The following GADL1 variants were observed in gnomAD, a reference collection of about 807,000 sequenced individuals.
GADL1 encodes acidic amino acid decarboxylase GADL1.
GADL1 carries 71 observed loss-of-function variants against 69.5 expected under a neutral mutation model. The ratio of observed to expected loss-of-function variants is 1.02; its 90% CI spans 0.84 to 1.25. The LOEUF (loss-of-function observed/expected upper bound fraction) is 1.25, where lower values mean the gene tolerates loss of function less well. Among genes scored for constraint, GADL1 ranks in the 50% most tolerant of loss-of-function variants. The probability of loss-of-function intolerance (pLI) is 0.00; values close to 1 mark genes in which losing one functional copy is unlikely to be tolerated. For synonymous variants in GADL1, 254 were observed against 214.4 expected, an observed-to-expected ratio of 1.18 and a Z score of -1.62; for missense variants, 737 against 631.8, an observed-to-expected ratio of 1.17 and a Z score of -1.79.
At chr3:30,803,818 T>G (rs1697204036) in intron 11 of GADL1, among the ~76,000 whole-genome samples, 1 of 152,228 alleles carries the variant, frequency 6.6e-6, no homozygotes, top group African/African-American at 2.4e-5. Context: ...AGACATCAAC[T>G]AAGAGAAGAT....
intron 9 of GADL1, 110 bp downstream of exon 9, chr3:30,838,883 CACAA>C (rs1453976955): frequency 3.0e-5 from 18 of 609,008 alleles, no homozygotes; most frequent in Middle Eastern, 3.6e-4. Context: ...CAATTTGAGA[CACAA>C]ACAAAAGCGT....
intron 1 of GADL1, among the ~76,000 whole-genome samples, chr3:30,876,136 T>C (rs1194076725): frequency 1.3e-5 from 2 of 152,056 alleles, no homozygotes; most frequent in Admixed American, 6.6e-5. Context: ...AATATGTTAC[T>C]GTATTTAATC....
At chr3:30,738,255 G>A (rs1386345660) in intron 14 of GADL1, among the ~76,000 whole-genome samples, 1 of 152,068 alleles carries the variant, frequency 6.6e-6, no homozygotes, top group Non-Finnish European at 1.5e-5. Flanking sequence ...ACTCCCTTGG[G>A]GCATTTGGAA....
chr3:30,803,848 A>C (rs1419245158), intron 11 of GADL1, among the ~76,000 whole-genome samples: 1 of 152,230 alleles, frequency 6.6e-6, no homozygotes, highest in Non-Finnish European at 1.5e-5. Context: ...TCCAGAGAAA[A>C]CATTTTAGAA....
chr3:30,886,501 A>G (rs555749313), intron 1 of GADL1, among the ~76,000 whole-genome samples: 1 of 152,244 alleles, frequency 6.6e-6, no homozygotes, highest in Admixed American at 6.5e-5. Context: ...TGGTGAGAAG[A>G]GGACAGGGCA....
rs112030445 is a variant in GADL1, at chr3:30,890,717, G to A, written c.37+3861C>T. On this transcript the variant is annotated intron_variant, in intron 1 of 14. Transcript: ENST00000282538. ...TAGTGGATATTCTTCATCAATAGGTGAATATGAGATTGTGCTTGGTAGCAT... is the reference window on the plus strand; with the variant it reads ...TAGTGGATATTCTTCATCAATAGGTAAATATGAGATTGTGCTTGGTAGCAT... Among the ~76,000 whole-genome samples, 1,192 of 152,276 alleles carry A rather than the reference G, an allele frequency of 7.8e-3. 10 individuals carry two copies. Among genetic ancestry groups the A allele is most frequent in the African/African-American group, 0.027 (1,106 of 41,546 alleles).
intron 1 of GADL1, among the ~76,000 whole-genome samples, chr3:30,868,924 C>T (rs540630725): frequency 4.0e-5 from 6 of 151,876 alleles, no homozygotes; most frequent in South Asian, 2.1e-4. Context: ...AGTGCAAAGA[C>T]GCTGGGGACC....
At chr3:30,875,871 T>C (rs1698570442) in intron 1 of GADL1, among the ~76,000 whole-genome samples, 1 of 151,842 alleles carries the variant, frequency 6.6e-6, no homozygotes, top group Non-Finnish European at 1.5e-5. Flanking sequence ...ATCCTAGAGA[T>C]ATCATTCACA....
chr3:30,728,522 T>A (rs1262582748), intron 14 of GADL1, 107 bp from the exon 15 acceptor site: 1 of 798,522 alleles, frequency 1.3e-6, no homozygotes, highest in Non-Finnish European at 2.0e-6. Context: ...CTGGTTTGGA[T>A]CCCATTCTCA....
At chr3:30,814,142 T>A (rs961213671) in intron 11 of GADL1, among the ~76,000 whole-genome samples, 1 of 152,220 alleles carries the variant, frequency 6.6e-6, no homozygotes. Context: ...AGAAGGTGTC[T>A]TCATTATACA....
intron 11 of GADL1, 74 bp downstream of exon 11, chr3:30,833,778 GC>G: frequency 9.9e-7 from 1 of 1,009,376 alleles, no homozygotes; most frequent in African/African-American, 1.6e-5. Flanking sequence ...CAAGAGATGA[GC>G]AAAAATGAAG....
intron 11 of GADL1, among the ~76,000 whole-genome samples, chr3:30,817,108 G>C (rs1697490322): frequency 6.6e-6 from 1 of 152,086 alleles, no homozygotes; most frequent in Non-Finnish European, 1.5e-5. Flanking sequence ...ACAATGATGA[G>C]AGACAATATG....
intron 11 of GADL1, among the ~76,000 whole-genome samples, chr3:30,830,267 C>G (rs955505003): frequency 6.6e-6 from 1 of 151,910 alleles, no homozygotes; most frequent in Non-Finnish European, 1.5e-5. Context: ...CCCCTGCCAG[C>G]TTATGACCAT....
rs112033509 is a variant in GADL1 at position 30,823,424 on chromosome 3, G to T, written c.1050+10429C>A. Among the ~76,000 whole-genome samples the T allele has an allele frequency of 7.4e-3, 1,120 of 151,990 alleles. 15 individuals are homozygous for T. The highest frequency in any genetic ancestry group is 0.026 in the African/African-American group (1,067 of 41,462). ...CCCTTTTCTTGTTTGGGACCCAAAG[G>T]TCTCCACCATGAAGTGGAGGTACAG... On this transcript the variant is annotated intron_variant, in intron 11 of 14. Coordinates refer to ENST00000282538, the MANE Select transcript of GADL1 (RefSeq NM_207359.3).
At position 30,800,893 on chromosome 3, in the gene GADL1, A is replaced by ATAAAGCAAGAGCACGAT; in HGVS notation, c.1229_1245dup (p.Ser416IlefsTer10). On this transcript the variant is annotated frameshift_variant, in exon 12 of 15. Transcript: ENST00000282538. LOFTEE classifies it high-confidence loss of function. ...GAGAGAGAGAGAGGCTAGTACCTAGATAAAGCAAGAGCACGATTAACTCTT... is the reference window on the plus strand; with the variant it reads ...GAGAGAGAGAGAGGCTAGTACCTAGATAAAGCAAGAGCACGATTAAAGCAAGAGCACGATTAACTCTT... 1 of 1,607,996 alleles carries ATAAAGCAAGAGCACGAT rather than the reference A, an allele frequency of 6.2e-7. No homozygotes were observed.
intron 9 of GADL1, 25 bp downstream of exon 9, chr3:30,838,972 G>A: frequency 7.3e-7 from 1 of 1,375,876 alleles, no homozygotes. Flanking sequence ...AGGTTAAACA[G>A]GTATGTACAC....
rs779929434 is a variant in GADL1 at position 30,894,607 on chromosome 3, C to T, written c.8G>A (p.Ser3Asn). MS[S>N]DSDRQCPVDG... The stretch of plus-strand genomic sequence containing the variant: ...CACAGGACACTGGCGGTCCGAGTCG[C>T]TGCTCATCTCCGCTCCCCCACTCCA... Residue 3 changes from serine (S) to asparagine (N), a missense_variant, in exon 1 of 15, where the codon AGC becomes AAC. Ser to Asn is a conservative substitution (Grantham distance 46). Coordinates refer to ENST00000282538, the MANE Select transcript of GADL1 (RefSeq NM_207359.3). 76 of 1,550,942 alleles carry T rather than the reference C, an allele frequency of 4.9e-5. No homozygotes were observed. Among genetic ancestry groups the T allele is most frequent in the Admixed American group, 1.2e-4 (6 of 50,978 alleles).
intron 2 of GADL1, among the ~76,000 whole-genome samples, chr3:30,860,490 A>G (rs892342076): frequency 6.6e-6 from 1 of 151,992 alleles, no homozygotes; most frequent in South Asian, 2.1e-4. Flanking sequence ...CAGAAATTAT[A>G]TAATTATAAA....
chr3:30,838,192 G>T (rs1697903973), intron 9 of GADL1, among the ~76,000 whole-genome samples: 1 of 152,018 alleles, frequency 6.6e-6, no homozygotes. Flanking sequence ...AACACCATGT[G>T]CAATTGTCTC....
Sources: gnomAD v4.1 joint callset for allele counts (sites outside exome capture counted in the v4.1 genomes callset) on GRCh38, gnomAD v4.1.1 for gene constraint, MANE v1.5 for transcripts, NCBI Gene and HGNC (gene_info 2026-07-23, HGNC 2026-07-21) for gene names.